Variants in TNFAIP8 observed in about 807,000 individuals in gnomAD.
TNFAIP8 encodes the protein TNF alpha induced protein 8, also known as tumor necrosis factor alpha-induced protein 8.
In TNFAIP8, 7 loss-of-function variants were observed where a neutral mutation model predicts 13.3. That is an observed-to-expected ratio of 0.52 (90% CI 0.30 to 0.99). TNFAIP8 has a LOEUF of 0.99. TNFAIP8 is among the 50% of genes least tolerant of loss of function. The pLI is 0.07. For synonymous variants in TNFAIP8, 94 were observed against 87.6 expected, an observed-to-expected ratio of 1.07 and a Z score of -0.41; for missense variants, 258 against 236.9, an observed-to-expected ratio of 1.09 and a Z score of -0.58.
Position 119,392,404 on chromosome 5 carries a change from G to A in TNFAIP8, c.32-412G>A, listed in dbSNP as rs201022043. On this transcript the variant is annotated intron_variant, in intron 1 of 1. Transcript: ENST00000504771. ...GAGTTGATTTTGTATTTTTTTTTTT[G>A]TTTTGAGACAGAGTCTCGCTGTGTC... 2.2e-5 allele frequency among the ~76,000 whole-genome samples: 3 copies of A among 137,482 alleles called. No individual in the cohort carries two copies. In the East Asian group the frequency reaches 6.4e-4, roughly 29 times the overall value. 90.2% of individuals were successfully genotyped at this position (137,482 alleles called of 152,430 possible). A position where few individuals can be genotyped will look rare whatever the true frequency, so the allele number is the denominator to read the frequency against.
chr5:119,331,369 C>G (rs761519882), intron 1 of TNFAIP8, among the ~76,000 whole-genome samples: 3 of 152,026 alleles, frequency 2.0e-5, no homozygotes, highest in Non-Finnish European at 4.4e-5. Context: ...GTAGGATAAG[C>G]AGGATGCTAA....
intron 1 of TNFAIP8, among the ~76,000 whole-genome samples, chr5:119,339,711 G>C (rs1750674494): frequency 6.6e-6 from 1 of 152,090 alleles, no homozygotes; most frequent in Admixed American, 6.5e-5. Flanking sequence ...ATAAGAAGTA[G>C]AGCAAATTAA....
At chr5:119,309,842 C>T (rs773606977) in intron 1 of TNFAIP8, among the ~76,000 whole-genome samples, 12 of 152,164 alleles carry the variant, frequency 7.9e-5, no homozygotes, top group Non-Finnish European at 1.3e-4. Flanking sequence ...AAGTCTGGGG[C>T]GGACCATTAC....
At chr5:119,390,211 C>A (rs982998925) in intron 1 of TNFAIP8, among the ~76,000 whole-genome samples, 9 of 151,672 alleles carry the variant, frequency 5.9e-5, no homozygotes, top group Admixed American at 2.0e-4. Flanking sequence ...TAAAAAAAAA[C>A]ACAATAACAT....
intron 1 of TNFAIP8, among the ~76,000 whole-genome samples, chr5:119,389,123 G>C (rs1261066016): frequency 6.6e-6 from 1 of 152,152 alleles, no homozygotes; most frequent in Non-Finnish European, 1.5e-5. Context: ...GAATGGTATG[G>C]TGGATGATCC....
chr5:119,372,145 A>T (rs1369236580), intron 1 of TNFAIP8, among the ~76,000 whole-genome samples: 4 of 151,634 alleles, frequency 2.6e-5, no homozygotes, highest in African/African-American at 9.7e-5. Flanking sequence ...TCAAAAAAAA[A>T]AAAAACCCAT....
At chr5:119,351,941 C>T (rs1317079714), upstream of TNFAIP8, among the ~76,000 whole-genome samples, 2 of 152,050 alleles carry the variant, frequency 1.3e-5, no homozygotes, top group African/African-American at 4.8e-5. Context: ...AGGAGCCTGC[C>T]ACTGTGCTCA....
chr5:119,283,829 C>G (rs961800286), intron 1 of TNFAIP8, among the ~76,000 whole-genome samples: 2 of 152,170 alleles, frequency 1.3e-5, no homozygotes, highest in African/African-American at 4.8e-5. Context: ...CTCTTTGCTC[C>G]TAAGAATCTT....
At chr5:119,304,155 G>T (rs1166638614) in intron 1 of TNFAIP8, among the ~76,000 whole-genome samples, 1 of 151,874 alleles carries the variant, frequency 6.6e-6, no homozygotes, top group Non-Finnish European at 1.5e-5. Flanking sequence ...GTCTTGCTCT[G>T]TTGCCCAGGC....
intron 1 of TNFAIP8, among the ~76,000 whole-genome samples, chr5:119,279,885 G>T (rs1748575642): frequency 1.3e-5 from 2 of 152,134 alleles, no homozygotes; most frequent in Admixed American, 6.5e-5. Flanking sequence ...TACCTTCAAA[G>T]TGAAAAGTTC....
At chr5:119,299,621 A>G (rs1268899613) in intron 1 of TNFAIP8, among the ~76,000 whole-genome samples, 2 of 152,162 alleles carry the variant, frequency 1.3e-5, no homozygotes, top group East Asian at 1.9e-4. Flanking sequence ...TGCTGGGAGA[A>G]CCACTGCTCT....
chr5:119,314,582 C>T (rs1749828960), intron 1 of TNFAIP8, among the ~76,000 whole-genome samples: 2 of 152,214 alleles, frequency 1.3e-5, no homozygotes, highest in Non-Finnish European at 2.9e-5. Context: ...GAACTTGAAA[C>T]ACTCACAGGT....
chr5:119,292,735 C>T (rs547991693), intron 1 of TNFAIP8, among the ~76,000 whole-genome samples: 1 of 130,060 alleles, frequency 7.7e-6, no homozygotes, highest in Admixed American at 9.2e-5. Flanking sequence ...GAACAAAGTA[C>T]TGTACCTGCT....
At chr5:119,269,883 C>T (rs530164076) in intron 1 of TNFAIP8, among the ~76,000 whole-genome samples, 2 of 152,306 alleles carry the variant, frequency 1.3e-5, no homozygotes, top group African/African-American at 4.8e-5. Flanking sequence ...GGTATCATAA[C>T]AGCAGTATTG....
At chr5:119,362,601 G>T (rs1468558084) in intron 1 of TNFAIP8, among the ~76,000 whole-genome samples, 1 of 150,994 alleles carries the variant, frequency 6.6e-6, no homozygotes, top group South Asian at 2.1e-4. Context: ...TTCAAGACCG[G>T]CCTGGGCAAC....
rs369808448 is a variant in TNFAIP8, at chr5:119,392,902, A to G, written c.118A>G (p.Thr40Ala). 2 of 1,594,536 alleles carry G rather than the reference A, an allele frequency of 1.3e-6. No individual in the cohort carries two copies. Among genetic ancestry groups the G allele is most frequent in the Non-Finnish European group, 1.7e-6 (2 of 1,170,602 alleles). The change falls in exon 2 of 2, where the codon ACC becomes GCC. Residue 40 changes from threonine to alanine, a missense_variant. Physicochemically the swap from Thr to Ala is moderately conservative, Grantham distance 58. Transcript: ENST00000504771. ...LGKMVSKSIA[T>A]TLIDDTSSEV... Reference sequence around the variant, plus strand: ...TAAAATGGTGTCCAAATCCATCGCCACCACCTTAATAGACGACACAAGTAG... The same window carrying G: ...TAAAATGGTGTCCAAATCCATCGCCGCCACCTTAATAGACGACACAAGTAG...
intron 1 of TNFAIP8, among the ~76,000 whole-genome samples, chr5:119,290,341 T>A (rs985601470): frequency 6.6e-6 from 1 of 152,214 alleles, no homozygotes; most frequent in Non-Finnish European, 1.5e-5. Context: ...TCAACAGATA[T>A]CTGAACATTC....
At chr5:119,311,520 T>C (rs1233861851) in intron 1 of TNFAIP8, among the ~76,000 whole-genome samples, 1 of 151,358 alleles carries the variant, frequency 6.6e-6, no homozygotes, top group African/African-American at 2.4e-5. Flanking sequence ...TGAAACCCCG[T>C]CTCTACTAAA....
At position 119,370,811 on chromosome 5, in the gene TNFAIP8, C is replaced by G. The variant is rs373927884; in HGVS notation, c.31+14690C>G. ...AGCTCAAGAAAATATGACCCAGTGC[C>G]TAACCCGTTGATACTTTATTAGATG... On this transcript the variant is annotated intron_variant, in intron 1 of 1. Transcript: ENST00000504771. Among the ~76,000 whole-genome samples, 382 of 152,320 alleles carry G rather than the reference C, an allele frequency of 2.5e-3. 2 individuals carry two copies. Among genetic ancestry groups the G allele is most frequent in the African/African-American group, 8.9e-3 (368 of 41,568 alleles).
Sources: allele counts gnomAD v4.1 joint callset (sites outside exome capture counted in the v4.1 genomes callset), GRCh38; gene constraint gnomAD v4.1.1; transcripts MANE v1.5; gene names NCBI Gene and HGNC (gene_info 2026-07-23, HGNC 2026-07-21).